HECW1: variants seen among roughly 807,000 people sequenced by gnomAD.
HECW1 encodes E3 ubiquitin-protein ligase HECW1.
In HECW1, 61 loss-of-function variants were observed where a neutral mutation model predicts 182.3. The ratio of observed to expected loss-of-function variants is 0.33; its 90% confidence interval spans 0.27 to 0.41. HECW1 has a LOEUF of 0.41. HECW1 is among the 10% of genes least tolerant of loss of function. HECW1 has a pLI of 1.00. For synonymous variants in HECW1, 859 were observed against 832.6 expected (o/e 1.03, Z -0.55); for missense variants, 1,739 against 2,108.9 (o/e 0.82, Z 3.44).
chr7:43,191,471 G>A (rs956240676), intron 2 of HECW1, among the ~76,000 whole-genome samples: 9 of 150,704 alleles, frequency 6.0e-5, no homozygotes, highest in African/African-American at 1.7e-4. Context: ...AATGTCAGGC[G>A]TGGCCCAGCT....
intron 1 of HECW1, chr7:43,113,681 A>G (rs1393453693): frequency 2.0e-5 from 4 of 197,088 alleles, no homozygotes; most frequent in African/African-American, 2.4e-5. Context: ...AGGGGGGGGG[A>G]ATGCGTCCGG....
chr7:43,546,422 G>A (rs983393718), intron 26 of HECW1, among the ~76,000 whole-genome samples: 10 of 151,752 alleles, frequency 6.6e-5, no homozygotes, highest in African/African-American at 2.4e-4. Context: ...ATTTCACAAT[G>A]TTCTCTCTAT....
At chr7:43,328,528 G>C (rs550296904) in intron 5 of HECW1, among the ~76,000 whole-genome samples, 209 of 152,332 alleles carry the variant, frequency 1.4e-3, no homozygotes, top group African/African-American at 4.9e-3. Context: ...ACAATGGCGT[G>C]TGGCAGTGGA....
intron 3 of HECW1, among the ~76,000 whole-genome samples, chr7:43,262,340 T>G (rs1430525135): frequency 1.3e-5 from 2 of 152,138 alleles, no homozygotes; most frequent in African/African-American, 4.8e-5. Flanking sequence ...TTGAATGATA[T>G]CTGTATATCA....
At chr7:43,312,473 A>T (rs1343222148) in intron 4 of HECW1, among the ~76,000 whole-genome samples, 1 of 152,258 alleles carries the variant, frequency 6.6e-6, no homozygotes, top group Non-Finnish European at 1.5e-5. Context: ...ATTTCACTTT[A>T]GTTTCCAGCA....
At chr7:43,148,658 TAAGAA>T (rs1277490507) in intron 2 of HECW1, 4 of 151,850 alleles carry the variant, frequency 2.6e-5, no homozygotes, top group South Asian at 2.1e-4. Flanking sequence ...ATCAATCAAA[TAAGAA>T]AAGAAGAGTG....
At chr7:43,487,961 A>C (rs1466594722) in intron 17 of HECW1, among the ~76,000 whole-genome samples, 1 of 131,046 alleles carries the variant, frequency 7.6e-6, no homozygotes, top group East Asian at 2.2e-4. Flanking sequence ...TCAAAAAAAA[A>C]GGAAGAGAGA....
chr7:43,501,330 G>A lies in HECW1; in HGVS notation c.3631+8G>A. ...CACCTCAGAACTCCCCAGGTAACAG[G>A]AATCTGGCCTAATAGCTCCTGTTAA... On this transcript the variant is annotated splice_region_variant and intron_variant, in intron 21 of 29. Coordinates refer to ENST00000395891, the MANE Select transcript of HECW1 (RefSeq NM_015052.5). The A allele has an allele frequency of 2.0e-6, 3 of 1,523,674 alleles. No individual in the cohort carries two copies. Among genetic ancestry groups the A allele is most frequent in the Non-Finnish European group, 2.7e-6 (3 of 1,100,544 alleles). 94.4% of individuals were successfully genotyped at this position (1,523,674 alleles called of 1,614,324 possible). A position where few individuals can be genotyped will look rare whatever the true frequency, so the allele number is the denominator to read the frequency against.
intron 2 of HECW1, among the ~76,000 whole-genome samples, chr7:43,144,159 A>G (rs11982908): frequency 0.5 from 76,413 of 152,056 alleles, 19,912 homozygotes; most frequent in African/African-American, 0.64. Flanking sequence ...AAGAATGTTC[A>G]TCAGGTATTT....
intron 26 of HECW1, among the ~76,000 whole-genome samples, chr7:43,544,082 AAG>A (rs1305160051): frequency 2.0e-5 from 3 of 152,200 alleles, no homozygotes; most frequent in South Asian, 2.1e-4. Context: ...AAAAGGAAAA[AAG>A]AGATAATTTT....
At chr7:43,195,273 C>T (rs1399233720) in intron 2 of HECW1, among the ~76,000 whole-genome samples, 1 of 152,222 alleles carries the variant, frequency 6.6e-6, no homozygotes, top group Admixed American at 6.5e-5. Context: ...ATATAAACTT[C>T]GCAAAGCTGT....
intron 3 of HECW1, chr7:43,274,476 C>T: frequency 1.6e-6 from 1 of 625,000 alleles, no homozygotes; most frequent in East Asian, 3.1e-5. Context: ...TGGGCCGGCA[C>T]CGCACCCAGG....
At chr7:43,554,842 T>C in intron 29 of HECW1, 52 bp downstream of exon 29, 1 of 1,505,664 alleles carries the variant, frequency 6.6e-7, no homozygotes, top group South Asian at 1.2e-5. Flanking sequence ...GGGCAAAGTA[T>C]ACTTTGCTAT....
At chr7:43,183,917 A>G (rs1583859978) in intron 2 of HECW1, among the ~76,000 whole-genome samples, 1 of 152,166 alleles carries the variant, frequency 6.6e-6, no homozygotes, top group Non-Finnish European at 1.5e-5. Flanking sequence ...AGTTTAATCT[A>G]TGCTATTAAC....
chr7:43,232,677 A>G (rs1797990041), intron 2 of HECW1, among the ~76,000 whole-genome samples: 2 of 152,212 alleles, frequency 1.3e-5, no homozygotes, highest in Non-Finnish European at 2.9e-5. Flanking sequence ...ATACCTCTTA[A>G]AACTTCTTGC....
intron 3 of HECW1, among the ~76,000 whole-genome samples, chr7:43,281,703 T>C (rs995074994): frequency 6.7e-6 from 1 of 149,120 alleles, no homozygotes; most frequent in African/African-American, 2.5e-5. Context: ...CTGTTCTCTT[T>C]CTTTGCTTTC....
intron 2 of HECW1, among the ~76,000 whole-genome samples, chr7:43,160,548 C>G (rs568545249): frequency 6.6e-6 from 1 of 152,176 alleles, no homozygotes; most frequent in Non-Finnish European, 1.5e-5. Context: ...CATCCATTCT[C>G]CCTTGGTTTG....
intron 8 of HECW1, among the ~76,000 whole-genome samples, chr7:43,429,029 A>G (rs1178434761): frequency 2.0e-5 from 3 of 150,272 alleles, no homozygotes; most frequent in South Asian, 4.2e-4. Context: ...CAAATTTTAC[A>G]TATAATATAC....
chr7:43,471,310 C>T (rs184478936), intron 16 of HECW1, among the ~76,000 whole-genome samples: 1 of 152,330 alleles, frequency 6.6e-6, no homozygotes, highest in Non-Finnish European at 1.5e-5. Flanking sequence ...GTTAGGAATA[C>T]AACTCACTAA....
Sources: allele counts gnomAD v4.1 joint callset (sites outside exome capture counted in the v4.1 genomes callset), GRCh38; gene constraint gnomAD v4.1.1; transcripts MANE v1.5; gene names NCBI Gene and HGNC (gene_info 2026-07-23, HGNC 2026-07-21).